Variants in MYLK observed in about 807,000 individuals in gnomAD.
MYLK encodes myosin light chain kinase.
Under a neutral mutation model 203.4 loss-of-function variants are expected in MYLK, and 106 were observed. That is an observed-to-expected ratio of 0.52 (90% CI 0.45 to 0.61). The LOEUF (loss-of-function observed/expected upper bound fraction) is 0.61. Ranked by LOEUF, MYLK falls within the 20% of genes least tolerant of loss-of-function variation. The probability of loss-of-function intolerance (pLI) is 0.00; values close to 1 mark genes in which losing one functional copy is unlikely to be tolerated. For synonymous variants in MYLK, 867 were observed against 959.5 expected (o/e 0.90, Z 1.78); for missense variants, 2,072 against 2,442.3 (o/e 0.85, Z 3.20).
At chr3:123,722,400 A>G (rs1007991673) in intron 12 of MYLK, 120 bp from the exon 13 acceptor site, 19 of 1,147,484 alleles carry the variant, frequency 1.7e-5, no homozygotes, top group Admixed American at 1.0e-4. Context: ...GCTCAGATCC[A>G]CTGAGGGCTA....
rs1478433946 is a variant in MYLK at position 123,613,326 on chromosome 3, C to A, written c.*779G>T. The A allele has an allele frequency of 2.9e-5, 4 of 139,380 alleles. No individual in the cohort carries two copies. Among genetic ancestry groups the A allele is most frequent in the Non-Finnish European group, 6.3e-5 (4 of 63,158 alleles). 8.6% of individuals were successfully genotyped at this position (139,380 alleles called of 1,614,324 possible). On this transcript the variant is annotated 3_prime_UTR_variant, in exon 34 of 34. Transcript: ENST00000360304. ...AAGAATCCTGGTTTACAAAGGAAAC[C>A]ACATTAGCAAGGATTTTTTTTTTCC...
intron 2 of MYLK, among the ~76,000 whole-genome samples, chr3:123,859,110 T>A (rs563271543): frequency 6.6e-6 from 1 of 152,362 alleles, no homozygotes; most frequent in East Asian, 1.9e-4. Flanking sequence ...TAGGTTTGGA[T>A]GGGACAACTG....
intron 20 of MYLK, among the ~76,000 whole-genome samples, chr3:123,676,426 A>G (rs2060073961): frequency 6.6e-6 from 1 of 152,186 alleles, no homozygotes; most frequent in African/African-American, 2.4e-5. Flanking sequence ...AACATTCCTC[A>G]TGACCTGAGG....
At chr3:123,653,657 C>T (rs574362343) in intron 24 of MYLK, among the ~76,000 whole-genome samples, 1 of 152,302 alleles carries the variant, frequency 6.6e-6, no homozygotes, top group East Asian at 1.9e-4. Context: ...TTGCCCCAGA[C>T]AGGCAGTCAC....
intron 2 of MYLK, among the ~76,000 whole-genome samples, chr3:123,856,583 A>C (rs1376232328): frequency 1.3e-5 from 2 of 152,164 alleles, no homozygotes; most frequent in Non-Finnish European, 2.9e-5. Context: ...ATACGTTCCT[A>C]ATCTTCACAT....
At chr3:123,649,139 C>G in intron 25 of MYLK, 23 bp downstream of exon 25, 3 of 1,613,904 alleles carry the variant, frequency 1.9e-6, no homozygotes, top group Non-Finnish European at 2.5e-6. Flanking sequence ...AGAGCCTGAC[C>G]CGAAGACAGG....
intron 1 of MYLK, among the ~76,000 whole-genome samples, chr3:123,879,543 T>A (rs2033383900): frequency 6.6e-6 from 1 of 150,516 alleles, no homozygotes; most frequent in Non-Finnish European, 1.5e-5. Flanking sequence ...AATTGCATGT[T>A]GTCCCTGTTT....
At position 123,648,209 on chromosome 3, in the gene MYLK, G is replaced by C. The variant is rs889294891; in HGVS notation, c.4415+762C>G. ...CTCCCACCTCTTCTATTCCTCCAGG[G>C]ACAGCGTAAGGGCAGATGAACAGCT... On this transcript the variant is annotated intron_variant, in intron 26 of 33. Coordinates refer to ENST00000360304, the MANE Select transcript of MYLK (RefSeq NM_053025.4). The surrounding 1 kb of genome is among the most constrained non-coding windows in gnomAD (Gnocchi z 4.5). Among the ~76,000 whole-genome samples, 7 of 152,180 alleles carry C rather than the reference G, an allele frequency of 4.6e-5. No individual in the cohort carries two copies. The highest frequency in any genetic ancestry group is 3.9e-4 in the Admixed American group (6 of 15,284).
chr3:123,807,260 C>G (rs111614820), intron 3 of MYLK, among the ~76,000 whole-genome samples: 26,059 of 152,038 alleles, frequency 0.17, 2,842 homozygotes, highest in Non-Finnish European at 0.24. Flanking sequence ...GAAACCTCCT[C>G]TCTATCAAAA....
At chr3:123,751,480 G>C (rs973838378) in intron 5 of MYLK, among the ~76,000 whole-genome samples, 22 of 152,302 alleles carry the variant, frequency 1.4e-4, no homozygotes, top group African/African-American at 5.1e-4. Flanking sequence ...ACATTGATGT[G>C]TTTACTTCCT....
At chr3:123,816,308 T>A (rs1287618282) in intron 3 of MYLK, among the ~76,000 whole-genome samples, 1 of 152,260 alleles carries the variant, frequency 6.6e-6, no homozygotes, top group Admixed American at 6.5e-5. Flanking sequence ...TCAGCAAAGT[T>A]CTTGGACCTC....
intron 3 of MYLK, among the ~76,000 whole-genome samples, chr3:123,796,360 G>A (rs563163141): frequency 5.4e-4 from 82 of 152,204 alleles, no homozygotes; most frequent in African/African-American, 2.0e-3. Flanking sequence ...AGCACCTGGC[G>A]CCAGAGCTGC....
At chr3:123,720,483 A>G in intron 13 of MYLK, among the ~76,000 whole-genome samples, 1 of 151,706 alleles carries the variant, frequency 6.6e-6, no homozygotes, top group Non-Finnish European at 1.5e-5. Context: ...CCCTTACTTG[A>G]CTCTGGGGTT....
At chr3:123,796,409 G>A (rs2064988164) in intron 3 of MYLK, among the ~76,000 whole-genome samples, 1 of 152,162 alleles carries the variant, frequency 6.6e-6, no homozygotes, top group Non-Finnish European at 1.5e-5. Context: ...CCTGTAAGCA[G>A]TCAAATTGGC....
rs542116685 is a variant in MYLK, at chr3:123,748,467, A to C, written c.373+3864T>G. ...CCTTGTTTATTCCTATTCAGGTGGCAGCTTCTAGAACTGCACTGTTCAAAA... is the reference window on the plus strand; with the variant it reads ...CCTTGTTTATTCCTATTCAGGTGGCCGCTTCTAGAACTGCACTGTTCAAAA... On this transcript the variant is annotated intron_variant, in intron 5 of 33. Transcript: ENST00000360304. Among the ~76,000 whole-genome samples, 6 of 152,350 alleles carry C rather than the reference A, an allele frequency of 3.9e-5. No individual in the cohort carries two copies. In the South Asian group the frequency reaches 1.2e-3, roughly 32 times the overall value.
rs756465340 is a variant in MYLK, at chr3:123,700,691, C to T, written c.2777G>A (p.Arg926His). Residue 926 changes from arginine to histidine, a missense_variant, in exon 18 of 34, where the codon CGT becomes CAT. Physicochemically the swap from Arg to His is conservative, Grantham distance 29 (BLOSUM62 0). This residue lies in a region of MYLK where 865 missense variants were observed against 1,016.0 expected (regional missense o/e 0.85). Coordinates refer to ENST00000360304, the MANE Select transcript of MYLK (RefSeq NM_053025.4). ...KEIPAEQMDF[R>H]ANLQRQVKPK... ...CTTCACTTGCCGCTGCAGGTTGGCA[C>T]GGAAATCCATCTGCTCGGCTGGGAT... 2.3e-5 allele frequency: 37 copies of T among 1,614,036 alleles called. 1 individual carries two copies. Among genetic ancestry groups the T allele is most frequent in the African/African-American group, 1.9e-4 (14 of 74,890 alleles).
rs1020977941 is a variant in MYLK, at chr3:123,723,421, G to C, written c.1652-1141C>G. Among the ~76,000 whole-genome samples the C allele has an allele frequency of 4.2e-4, 64 of 152,362 alleles. 1 individual carries two copies. Among genetic ancestry groups the C allele is most frequent in the African/African-American group, 1.5e-3 (62 of 41,572 alleles). On this transcript the variant is annotated intron_variant, in intron 12 of 33. Coordinates refer to ENST00000360304, the MANE Select transcript of MYLK (RefSeq NM_053025.4). ...GCAGGGGCCTGGATCCTGCCACTGA[G>C]AGAAGTGAGCACTGCTCTTTGTTTT... is the stretch of plus-strand genomic sequence containing the variant.
Position 123,640,593 on chromosome 3 carries a change from G to C in MYLK, c.4620-89C>G, listed in dbSNP as rs567040208. 133 of 1,417,132 alleles carry C rather than the reference G, an allele frequency of 9.4e-5. No individual in the cohort carries two copies. Among genetic ancestry groups the C allele is most frequent in the Non-Finnish European group, 1.3e-4 (130 of 1,010,222 alleles). 87.8% of individuals were successfully genotyped at this position (1,417,132 alleles called of 1,614,324 possible). A position where few individuals can be genotyped will look rare whatever the true frequency, so the allele number is the denominator to read the frequency against. On this transcript the variant is annotated intron_variant, in intron 27 of 33. Transcript: ENST00000360304. The surrounding 1 kb of genome is among the most constrained non-coding windows in gnomAD (Gnocchi z 4.3). ...TCTGGCCAGGGTAGGCTGGGGGTAG[G>C]AGAAATTGGCAGGAAAGCCCAGGGA... is the stretch of plus-strand genomic sequence containing the variant.
intron 16 of MYLK, among the ~76,000 whole-genome samples, chr3:123,703,175 C>G (rs2061318409): frequency 2.0e-5 from 3 of 152,166 alleles, no homozygotes; most frequent in Admixed American, 2.0e-4. Flanking sequence ...TCTGCCTGGC[C>G]TCCCTCCCAG....
Sources: gnomAD v4.1 joint callset for allele counts (sites outside exome capture counted in the v4.1 genomes callset) on GRCh38, gnomAD v4.1.1 for gene constraint, gnomAD v4.1.1 regional missense constraint, Gnocchi (gnomAD v3.1) non-coding constraint, MANE v1.5 for transcripts, NCBI Gene and HGNC (gene_info 2026-07-23, HGNC 2026-07-21) for gene names.